The following NCALD variants were observed in gnomAD, a reference collection of about 807,000 sequenced individuals.
The protein encoded by NCALD is neurocalcin delta, also known as neurocalcin-delta.
NCALD carries 10 observed loss-of-function variants against 18.6 expected under a neutral mutation model. That is an observed-to-expected ratio of 0.54 (90% CI 0.33 to 0.91). NCALD has a LOEUF of 0.91. Among genes scored for constraint, NCALD ranks in the 40% least tolerant of loss-of-function variants. NCALD has a pLI of 0.03. For synonymous variants in NCALD, 88 were observed against 87.4 expected (o/e 1.01, Z -0.04); for missense variants, 184 against 247.6 (o/e 0.74, Z 1.72).
chr8:102,087,213 G>A (rs1824765748), intron 1 of NCALD, among the ~76,000 whole-genome samples: 1 of 152,118 alleles, frequency 6.6e-6, no homozygotes, highest in Non-Finnish European at 1.5e-5. Context: ...GATCTGGATT[G>A]GGACCCTTTC....
chr8:101,769,508 A>C (rs1485073746), intron 1 of NCALD, among the ~76,000 whole-genome samples: 2 of 152,184 alleles, frequency 1.3e-5, no homozygotes, highest in Non-Finnish European at 2.9e-5. Flanking sequence ...AAAATAACCT[A>C]GGCGTGCCAT....
chr8:101,716,942 C>T (rs1282720469), intron 2 of NCALD, among the ~76,000 whole-genome samples: 1 of 152,134 alleles, frequency 6.6e-6, no homozygotes, highest in Non-Finnish European at 1.5e-5. Flanking sequence ...CTTCTAGAAT[C>T]GGGGAAAGGC....
intron 2 of NCALD, among the ~76,000 whole-genome samples, chr8:101,923,530 T>A (rs1818238004): frequency 6.6e-6 from 1 of 152,270 alleles, no homozygotes; most frequent in South Asian, 2.1e-4. Flanking sequence ...TATGTCAAGT[T>A]GGTCCTAACT....
intron 1 of NCALD, among the ~76,000 whole-genome samples, chr8:102,066,687 G>A (rs532676245): frequency 2.6e-5 from 4 of 152,242 alleles, no homozygotes; most frequent in African/African-American, 9.6e-5. Context: ...CTTGGGGCAC[G>A]TCTGAATAGG....
chr8:101,838,380 C>T (rs1193140287), intron 4 of NCALD, among the ~76,000 whole-genome samples: 1 of 152,144 alleles, frequency 6.6e-6, no homozygotes, highest in Non-Finnish European at 1.5e-5. Context: ...CACCACAATG[C>T]CCAGCTAATT....
At chr8:102,094,381 T>C (rs1825023286) in intron 1 of NCALD, among the ~76,000 whole-genome samples, 1 of 152,230 alleles carries the variant, frequency 6.6e-6, no homozygotes, top group African/African-American at 2.4e-5. Context: ...AGGTAGATAC[T>C]GTACTCATTT....
At chr8:101,734,807 GT>G (rs1586345790) in intron 1 of NCALD, among the ~76,000 whole-genome samples, 2 of 152,168 alleles carry the variant, frequency 1.3e-5, no homozygotes, top group Non-Finnish European at 2.9e-5. Context: ...AACCCACAGT[GT>G]TTTCTAACTC....
intron 4 of NCALD, among the ~76,000 whole-genome samples, chr8:101,833,980 G>A (rs1423664649): frequency 6.6e-6 from 1 of 152,162 alleles, no homozygotes; most frequent in Non-Finnish European, 1.5e-5. Flanking sequence ...ATTTATAGAA[G>A]CTTAACCACC....
chr8:102,078,029 G>A (rs10955279), intron 1 of NCALD, among the ~76,000 whole-genome samples: 1 of 151,966 alleles, frequency 6.6e-6, no homozygotes. Context: ...AGACCAGGTA[G>A]GCACCTCAAA....
intron 3 of NCALD, chr8:101,690,849 C>A: frequency 1.0e-6 from 1 of 985,414 alleles, no homozygotes; most frequent in Non-Finnish European, 1.2e-6. Flanking sequence ...CAGGCGTGAT[C>A]TCTGAACACT....
intron 1 of NCALD, among the ~76,000 whole-genome samples, chr8:102,020,707 C>G (rs1457058109): frequency 2.0e-5 from 3 of 152,206 alleles, no homozygotes; most frequent in Non-Finnish European, 4.4e-5. Flanking sequence ...GCATAACATT[C>G]TTCTCCTGGA....
Position 101,741,949 on chromosome 8 carries a change from A to G in NCALD, c.-19-22301T>C, listed in dbSNP as rs868172456. Among the ~76,000 whole-genome samples the G allele has an allele frequency of 7.3e-5, 7 of 96,006 alleles. No individual in the cohort carries two copies. In the South Asian group the frequency reaches 1.1e-3, roughly 15 times the overall value. 63.0% of individuals were successfully genotyped at this position (96,006 alleles called of 152,430 possible). A position where few individuals can be genotyped will look rare whatever the true frequency, so the allele number is the denominator to read the frequency against. On this transcript the variant is annotated intron_variant, in intron 1 of 3. Coordinates refer to ENST00000220931, the MANE Select transcript of NCALD (RefSeq NM_032041.3). ...GAAAGCCTGTCTCAAAAAAAAAAAAAAAAAGAAAAGAAAAAAAAAAAGGGC... is the reference window on the plus strand; with the variant it reads ...GAAAGCCTGTCTCAAAAAAAAAAAAGAAAAGAAAAGAAAAAAAAAAAGGGC...
intron 2 of NCALD, among the ~76,000 whole-genome samples, chr8:102,015,645 T>C (rs1249971333): frequency 6.6e-6 from 1 of 152,056 alleles, no homozygotes; most frequent in African/African-American, 2.4e-5. Context: ...AATACTTGTA[T>C]TGAACTCATT....
intron 1 of NCALD, among the ~76,000 whole-genome samples, chr8:101,744,939 G>A (rs1485423753): frequency 4.0e-5 from 6 of 149,148 alleles, no homozygotes; most frequent in Middle Eastern, 6.9e-3. Context: ...TTTAATAATC[G>A]TATGGTGAGG....
In NCALD at chr8:101,739,956, T is replaced by C. The variant is rs140751709; in HGVS notation, c.-19-20308A>G. On this transcript the variant is annotated intron_variant, in intron 1 of 3. Transcript: ENST00000220931. ...ACACCCTGCTAAAATGGAGGCTTCA[T>C]GAGGCCATTGATTTGGGTCTGTTTT... 2.5e-3 allele frequency among the ~76,000 whole-genome samples: 380 copies of C among 152,328 alleles called. 2 individuals carry two copies. The highest frequency in any genetic ancestry group is 8.2e-3 in the African/African-American group (342 of 41,574).
intron 4 of NCALD, among the ~76,000 whole-genome samples, chr8:101,826,665 A>C (rs1018264005): frequency 3.9e-5 from 6 of 152,242 alleles, no homozygotes; most frequent in African/African-American, 1.4e-4. Context: ...TCATAAAGCA[A>C]GATGGCTCAG....
intron 1 of NCALD, among the ~76,000 whole-genome samples, chr8:102,102,532 T>C (rs1825319431): frequency 6.6e-6 from 1 of 152,146 alleles, no homozygotes; most frequent in African/African-American, 2.4e-5. Context: ...ATGAGGTATC[T>C]GAGGCTCAGT....
Position 101,910,505 on chromosome 8 carries a change from T to A in NCALD, c.-107+5304A>T, listed in dbSNP as rs574091802. On this transcript the variant is annotated intron_variant, in intron 3 of 6. Transcript: ENST00000311028. The stretch of plus-strand genomic sequence containing the variant: ...GTCTTCCCAGACTGCCACAGCCACG[T>A]GCTACCTAGGTACTCCCTAATAAGG... 2.0e-5 allele frequency among the ~76,000 whole-genome samples: 3 copies of A among 152,288 alleles called. No individual in the cohort carries two copies. In the East Asian group the frequency reaches 5.8e-4, roughly 29 times the overall value.
chr8:102,109,251 G>A (rs1825569670), intron 1 of NCALD, among the ~76,000 whole-genome samples: 1 of 150,560 alleles, frequency 6.6e-6, no homozygotes, highest in Admixed American at 6.6e-5. Flanking sequence ...GTTTATAGCT[G>A]AAAAAAATGT....
Sources: gnomAD v4.1 joint callset for allele counts (sites outside exome capture counted in the v4.1 genomes callset) on GRCh38, gnomAD v4.1.1 for gene constraint, MANE v1.5 for transcripts, NCBI Gene and HGNC (gene_info 2026-07-23, HGNC 2026-07-21) for gene names.